SLC9B1: variants seen among roughly 807,000 people sequenced by gnomAD.
The protein encoded by SLC9B1 is solute carrier family 9 member B1.
Under a neutral mutation model 51.7 loss-of-function variants are expected in SLC9B1, and 32 were observed. The ratio of observed to expected loss-of-function variants is 0.62; its 90% CI spans 0.47 to 0.83. The LOEUF (loss-of-function observed/expected upper bound fraction) is 0.83, where lower values mean the gene tolerates loss of function less well. Among genes scored for constraint, SLC9B1 ranks in the 40% least tolerant of loss-of-function variants. The probability of loss-of-function intolerance (pLI) is 0.00; values close to 1 mark genes in which losing one functional copy is unlikely to be tolerated. For synonymous variants in SLC9B1, 145 were observed against 212.7 expected, an observed-to-expected ratio of 0.68 and a Z score of 2.77; for missense variants, 406 against 613.2, an observed-to-expected ratio of 0.66 and a Z score of 3.57.
At chr4:102,968,543 A>C (rs1175259899) in intron 3 of SLC9B1, among the ~76,000 whole-genome samples, 2 of 152,236 alleles carry the variant, frequency 1.3e-5, no homozygotes, top group Non-Finnish European at 2.9e-5. Context: ...TTCTTAAATA[A>C]ATGAAAGGAG....
intron 1 of SLC9B1, among the ~76,000 whole-genome samples, chr4:102,995,739 C>A (rs908258839): frequency 1.1e-4 from 17 of 152,098 alleles, no homozygotes; most frequent in African/African-American, 4.1e-4. Context: ...CTTCTCTTAT[C>A]TTTTCATAAC....
chr4:102,908,776 C>T (rs1482443174), intron 9 of SLC9B1, among the ~76,000 whole-genome samples: 7 of 152,308 alleles, frequency 4.6e-5, no homozygotes, highest in African/African-American at 1.7e-4. Context: ...ACACCATAAA[C>T]AAAGTTGAAG....
At chr4:102,946,578 C>T in intron 5 of SLC9B1, 69 bp downstream of exon 5, 1 of 1,524,356 alleles carries the variant, frequency 6.6e-7, no homozygotes, top group South Asian at 1.2e-5. Context: ...AAAATTTTTG[C>T]TTCTTTTTCT....
At chr4:102,919,473 C>G (rs1735752108) in intron 7 of SLC9B1, among the ~76,000 whole-genome samples, 1 of 152,156 alleles carries the variant, frequency 6.6e-6, no homozygotes, top group Non-Finnish European at 1.5e-5. Context: ...TTCCGGTCTG[C>G]AGCTCCCAGC....
intron 11 of SLC9B1, chr4:102,891,262 C>G (rs1397043382): frequency 2.6e-5 from 4 of 152,138 alleles, no homozygotes; most frequent in Non-Finnish European, 5.9e-5. Flanking sequence ...ACATTGAATT[C>G]TAACAAGTTT....
intron 1 of SLC9B1, among the ~76,000 whole-genome samples, chr4:103,000,093 C>T (rs1740442118): frequency 6.6e-6 from 1 of 152,100 alleles, no homozygotes; most frequent in Admixed American, 6.6e-5. Flanking sequence ...GGGAAACTGC[C>T]CCCTTGATCC....
chr4:102,964,455 A>G (rs2110491829), intron 3 of SLC9B1, among the ~76,000 whole-genome samples: 1 of 152,336 alleles, frequency 6.6e-6, no homozygotes, highest in East Asian at 1.9e-4. Context: ...TTTGATATCA[A>G]TATTACCCTG....
At chr4:102,987,981 C>T (rs1265088059) in intron 3 of SLC9B1, among the ~76,000 whole-genome samples, 1 of 152,038 alleles carries the variant, frequency 6.6e-6, no homozygotes, top group Non-Finnish European at 1.5e-5. Context: ...GACTTCTAAT[C>T]TCCTTACGTG....
At chr4:102,909,323 C>T (rs1707481539) in intron 9 of SLC9B1, among the ~76,000 whole-genome samples, 1 of 151,230 alleles carries the variant, frequency 6.6e-6, no homozygotes, top group Admixed American at 6.6e-5. Context: ...ATTTCTAGGA[C>T]TCTATCCCTA....
At chr4:102,914,115 T>C (rs932467973) in intron 7 of SLC9B1, among the ~76,000 whole-genome samples, 7 of 151,896 alleles carry the variant, frequency 4.6e-5, no homozygotes, top group African/African-American at 9.7e-5. Context: ...GACTGCTGAT[T>C]CATCAGGTTG....
rs563385288 is a variant in SLC9B1, at chr4:103,000,741, G to C, written c.-1-9029C>G. ...CAGCTCTGCCTCTGTGGCTTGGCAG[G>C]GTATAGCTCCATGCCTGGCTGCTTT... On this transcript the variant is annotated intron_variant, in intron 1 of 11. Transcript: ENST00000296422. 8.1e-4 allele frequency among the ~76,000 whole-genome samples: 123 copies of C among 152,314 alleles called. No homozygotes were observed. The Middle Eastern group carries it at 0.014, about 17-fold the overall frequency.
chr4:102,996,066 C>A (rs186379159), intron 1 of SLC9B1, among the ~76,000 whole-genome samples: 35 of 152,222 alleles, frequency 2.3e-4, no homozygotes, highest in Non-Finnish European at 2.9e-5. Context: ...TTACTCAGAT[C>A]TTTGTCAACT....
intron 11 of SLC9B1, among the ~76,000 whole-genome samples, chr4:102,904,983 C>CAA (rs58493959): frequency 0.011 from 1,554 of 144,220 alleles, 20 homozygotes; most frequent in African/African-American, 0.037. Context: ...GACTCTGTCT[C>CAA]AAAAAAAAAA....
chr4:102,979,133 G>A (rs1739223643), intron 3 of SLC9B1, among the ~76,000 whole-genome samples: 1 of 152,158 alleles, frequency 6.6e-6, no homozygotes, highest in Admixed American at 6.5e-5. Context: ...AACTGTAGGT[G>A]AAAACCCTTC....
chr4:102,982,482 T>A (rs1250120263), intron 3 of SLC9B1, among the ~76,000 whole-genome samples: 1 of 152,164 alleles, frequency 6.6e-6, no homozygotes, highest in Non-Finnish European at 1.5e-5. Flanking sequence ...TGAATCAAGT[T>A]AGGAAGTACT....
intron 1 of SLC9B1, among the ~76,000 whole-genome samples, chr4:103,006,118 G>A (rs1364144584): frequency 6.6e-6 from 1 of 151,952 alleles, no homozygotes; most frequent in Non-Finnish European, 1.5e-5. Flanking sequence ...GAATGAAATT[G>A]GGACATGACA....
chr4:102,980,674 C>T (rs574547365), intron 3 of SLC9B1, among the ~76,000 whole-genome samples: 2 of 152,170 alleles, frequency 1.3e-5, no homozygotes, highest in East Asian at 3.9e-4. Flanking sequence ...CAGCAAACCA[C>T]CATCGCACAT....
At chr4:102,921,110 C>T (rs1299043265) in intron 7 of SLC9B1, among the ~76,000 whole-genome samples, 4 of 152,126 alleles carry the variant, frequency 2.6e-5, no homozygotes, top group African/African-American at 4.8e-5. Context: ...ACATACTTAT[C>T]AGATTCACCA....
chr4:103,016,047 T>C (rs1048517953), intron 1 of SLC9B1, among the ~76,000 whole-genome samples: 5 of 141,732 alleles, frequency 3.5e-5, no homozygotes, highest in Admixed American at 7.6e-5. Flanking sequence ...GGCAGGAGAA[T>C]CGCTTGAACC....
Sources: allele counts gnomAD v4.1 joint callset (sites outside exome capture counted in the v4.1 genomes callset), GRCh38; gene constraint gnomAD v4.1.1; transcripts MANE v1.5; gene names NCBI Gene and HGNC (gene_info 2026-07-23, HGNC 2026-07-21).